Variants in CAB39L observed in about 807,000 individuals in gnomAD.
CAB39L encodes the protein calcium-binding protein 39-like.
Under a neutral mutation model 39.1 loss-of-function variants are expected in CAB39L, and 23 were observed. The observed-to-expected ratio is 0.59, with a 90% confidence interval of 0.42 to 0.83. CAB39L has a LOEUF of 0.83. Ranked by LOEUF, CAB39L falls within the 40% of genes least tolerant of loss-of-function variation. The pLI is 0.00. For missense variants in CAB39L, 366 were observed against 391.9 expected (o/e 0.93, Z 0.56); for synonymous variants, 126 against 137.2 (o/e 0.92, Z 0.57).
In CAB39L at chr13:49,350,004, G is replaced by C. The variant is rs574795246; in HGVS notation, c.564+740C>G. Among the ~76,000 whole-genome samples the C allele has an allele frequency of 2.6e-5, 4 of 152,156 alleles. No homozygotes were observed. In the East Asian group the frequency reaches 7.7e-4, roughly 29 times the overall value. On this transcript the variant is annotated intron_variant, in intron 7 of 10. Transcript: ENST00000409308. Reference sequence around the variant, plus strand: ...AACATTTTTTTGATGATAAAATACAGAAACCAAAAGTAAAATGATTGTCAG... The same window carrying C: ...AACATTTTTTTGATGATAAAATACACAAACCAAAAGTAAAATGATTGTCAG...
At chr13:49,373,862 G>A (rs931814463) in intron 5 of CAB39L, among the ~76,000 whole-genome samples, 19 of 152,234 alleles carry the variant, frequency 1.2e-4, no homozygotes, top group African/African-American at 4.6e-4. Flanking sequence ...ATTTTATCAA[G>A]CTGTCAGTAG....
chr13:49,344,117 C>T lies in CAB39L; in HGVS notation c.624+62G>A, dbSNP rs1955077784. 28 of 968,074 alleles carry T rather than the reference C, an allele frequency of 2.9e-5. No individual in the cohort carries two copies. The South Asian group carries it at 3.6e-4, about 12-fold the overall frequency. The allele number at this position is 968,074 out of a possible 1,614,324, so 60.0% of individuals were successfully genotyped here. ...TGGATAATTCACAGGGGCAATTGCT[C>T]ATAGATCTAAAAGGGAGGGAGAGAG... On this transcript the variant is annotated intron_variant, in intron 8 of 10. Coordinates refer to ENST00000409308, the MANE Select transcript of CAB39L (RefSeq NM_001079670.3).
intron 5 of CAB39L, among the ~76,000 whole-genome samples, chr13:49,369,514 T>C (rs912452238): frequency 1.3e-5 from 2 of 152,032 alleles, no homozygotes; most frequent in African/African-American, 4.8e-5. Context: ...GGTGAAAATA[T>C]AAGGACTGAA....
At chr13:49,418,303 A>G (rs999019409) in intron 3 of CAB39L, among the ~76,000 whole-genome samples, 6 of 152,230 alleles carry the variant, frequency 3.9e-5, no homozygotes, top group African/African-American at 1.4e-4. Flanking sequence ...GTATGATTCC[A>G]TTCATATAAA....
intron 3 of CAB39L, among the ~76,000 whole-genome samples, chr13:49,420,943 A>T (rs1957161647): frequency 6.6e-6 from 1 of 152,184 alleles, no homozygotes; most frequent in Non-Finnish European, 1.5e-5. Flanking sequence ...TGAAGAAAAA[A>T]ATAATAATCA....
intron 3 of CAB39L, among the ~76,000 whole-genome samples, chr13:49,407,542 C>A (rs182468431): frequency 1.3e-5 from 2 of 151,634 alleles, no homozygotes; most frequent in Non-Finnish European, 2.9e-5. Flanking sequence ...GATCCCCCCC[C>A]AAAAAAATCA....
intron 10 of CAB39L, 30 bp from the exon 11 acceptor site, chr13:49,311,023 G>C: frequency 6.2e-7 from 1 of 1,602,908 alleles, no homozygotes; most frequent in Admixed American, 1.7e-5. Flanking sequence ...ATACTTAGGA[G>C]TGCAAGCCAG....
At chr13:49,340,494 G>A (rs553027857) in intron 8 of CAB39L, among the ~76,000 whole-genome samples, 17 of 152,286 alleles carry the variant, frequency 1.1e-4, no homozygotes, top group East Asian at 1.9e-4. Context: ...AGTGTGTGCC[G>A]CTGTGTAATG....
In CAB39L at chr13:49,405,751, G is replaced by GGAAGGAAGGAAGGAAGGAAGGAAGGA. The variant is rs1478083608; in HGVS notation, c.-31-22811_-31-22810insTCCTTCCTTCCTTCCTTCCTTCCTTC. ...GAAGGAAGGAAGGAAGGAAGGAAGG[G>GGAAGGAAGGAAGGAAGGAAGGAAGGA]AGGGAGGGACGGAGGGACAGAGGGA... On this transcript the variant is annotated intron_variant, in intron 3 of 10. Coordinates refer to ENST00000409308, the MANE Select transcript of CAB39L (RefSeq NM_001079670.3). 2.9e-3 allele frequency among the ~76,000 whole-genome samples: 203 copies of GGAAGGAAGGAAGGAAGGAAGGAAGGA among 68,958 alleles called. 2 individuals are homozygous for GGAAGGAAGGAAGGAAGGAAGGAAGGA. The highest frequency in any genetic ancestry group is 4.6e-3 in the Non-Finnish European group (135 of 29,184). 45.2% of individuals were successfully genotyped at this position (68,958 alleles called of 152,430 possible). A position where few individuals can be genotyped will look rare whatever the true frequency, so the allele number is the denominator to read the frequency against.
intron 3 of CAB39L, among the ~76,000 whole-genome samples, chr13:49,409,912 A>T (rs373376070): frequency 8.3e-4 from 49 of 58,788 alleles, no homozygotes; most frequent in South Asian, 4.4e-3. Flanking sequence ...CTCTCTATTT[A>T]AAAAAAAAAA....
rs1024132071 is a variant in CAB39L at position 49,360,445 on chromosome 13, G to C, written c.277-613C>G. ...AGGAACAGAAGAGATCACCGAATCA[G>C]TGAGACAGAGGAACCAGATATGCAA... On this transcript the variant is annotated intron_variant, in intron 5 of 10. Transcript: ENST00000409308. Among the ~76,000 whole-genome samples, 4 of 152,186 alleles carry C rather than the reference G, an allele frequency of 2.6e-5. No individual in the cohort carries two copies. The East Asian group carries it at 5.8e-4, about 22-fold the overall frequency.
At chr13:49,387,099 C>T (rs993826300) in intron 3 of CAB39L, among the ~76,000 whole-genome samples, 2 of 152,138 alleles carry the variant, frequency 1.3e-5, no homozygotes, top group Non-Finnish European at 2.9e-5. Context: ...AAGTTAATCA[C>T]CCCCTTCTAG....
intron 10 of CAB39L, among the ~76,000 whole-genome samples, chr13:49,326,400 T>C (rs1954497673): frequency 6.6e-6 from 1 of 152,226 alleles, no homozygotes; most frequent in South Asian, 2.1e-4. Flanking sequence ...CTTGCTCTCT[T>C]GACCTCCATC....
chr13:49,409,622 AAGCATTAGT>A (rs1292611815), intron 3 of CAB39L, among the ~76,000 whole-genome samples: 1 of 152,076 alleles, frequency 6.6e-6, no homozygotes, highest in Non-Finnish European at 1.5e-5. Context: ...AAGGAGGAGA[AAGCATTAGT>A]AGAGACTGCC....
chr13:49,406,346 T>TC (rs1956878345), intron 3 of CAB39L, among the ~76,000 whole-genome samples: 3 of 148,364 alleles, frequency 2.0e-5, no homozygotes. Context: ...TTTTTTTTTT[T>TC]TTTTTTTGTA....
rs115189036 is a variant in CAB39L at position 49,406,517 on chromosome 13, A to T, written c.-31-23576T>A. ...AACACAAAAAATTGACGAATAGTTGAGATGATTGGATACCCTATTTACCCT... is the reference window on the plus strand; with the variant it reads ...AACACAAAAAATTGACGAATAGTTGTGATGATTGGATACCCTATTTACCCT... On this transcript the variant is annotated intron_variant, in intron 3 of 10. Coordinates refer to ENST00000409308, the MANE Select transcript of CAB39L (RefSeq NM_001079670.3). 6.1e-3 allele frequency among the ~76,000 whole-genome samples: 919 copies of T among 151,848 alleles called. 12 individuals carry two copies. The highest frequency in any genetic ancestry group is 0.021 in the African/African-American group (874 of 41,418).
chr13:49,380,870 T>C (rs768555605), intron 4 of CAB39L, among the ~76,000 whole-genome samples: 10 of 152,206 alleles, frequency 6.6e-5, no homozygotes, highest in Non-Finnish European at 1.2e-4. Context: ...ATGCAACTTT[T>C]GTTATTTATT....
intron 9 of CAB39L, among the ~76,000 whole-genome samples, chr13:49,336,406 A>T (rs532810218): frequency 1.6e-3 from 247 of 152,310 alleles, no homozygotes; most frequent in Middle Eastern, 6.8e-3. Flanking sequence ...GATATCCATG[A>T]GATGCCTAAC....
At chr13:49,409,567 G>A (rs184086464) in intron 3 of CAB39L, among the ~76,000 whole-genome samples, 1 of 151,920 alleles carries the variant, frequency 6.6e-6, no homozygotes, top group Admixed American at 6.6e-5. Context: ...ACAATGGGAG[G>A]GATCAAGAAC....
Sources: gnomAD v4.1 joint callset for allele counts (sites outside exome capture counted in the v4.1 genomes callset) on GRCh38, gnomAD v4.1.1 for gene constraint, MANE v1.5 for transcripts, NCBI Gene and HGNC (gene_info 2026-07-23, HGNC 2026-07-21) for gene names.